LOC400499: variants seen among roughly 807,000 people sequenced by gnomAD.
chr16:11,396,062 C>G, the LOC400499 span, among the ~76,000 whole-genome samples: 5 of 152,214 alleles, frequency 3.3e-5, no homozygotes, highest in Non-Finnish European at 7.3e-5. Context: ...CAAATACTTA[C>G]GTAGTGGCTG....
chr16:11,481,514 G>C, the LOC400499 span, among the ~76,000 whole-genome samples: 1 of 152,080 alleles, frequency 6.6e-6, no homozygotes, highest in Non-Finnish European at 1.5e-5. Context: ...GTAGAGACGG[G>C]GTTTCACCAT....
At chr16:11,422,823 G>T in the LOC400499 span, among the ~76,000 whole-genome samples, 1 of 152,182 alleles carries the variant, frequency 6.6e-6, no homozygotes, top group South Asian at 2.1e-4. Flanking sequence ...CCCCAGCCCT[G>T]AGCGCCACGG....
the LOC400499 span, among the ~76,000 whole-genome samples, chr16:11,451,782 C>A: frequency 6.6e-6 from 1 of 152,124 alleles, no homozygotes; most frequent in African/African-American, 2.4e-5. Context: ...GATTTACTGT[C>A]TGGGGAAACT....
the LOC400499 span, among the ~76,000 whole-genome samples, chr16:11,386,655 C>T: frequency 1.3e-5 from 2 of 152,216 alleles, no homozygotes; most frequent in Non-Finnish European, 2.9e-5. Context: ...CAAATAGAGT[C>T]CCACAGGTTA....
At chr16:11,383,878 A>ACACT in the LOC400499 span, 3 of 1,232,064 alleles carry the variant, frequency 2.4e-6, no homozygotes, top group Non-Finnish European at 2.0e-6. Context: ...GGCCAGGCTC[A>ACACT]CACTCACCAC....
the LOC400499 span, chr16:11,401,985 C>A: frequency 2.5e-6 from 1 of 399,158 alleles, no homozygotes; most frequent in Non-Finnish European, 4.4e-6. Context: ...GCTCAGCCTG[C>A]AGGGTGGAGT....
At chr16:11,460,872 A>G in the LOC400499 span, 9 of 1,409,612 alleles carry the variant, frequency 6.4e-6, no homozygotes, top group South Asian at 4.4e-5. Context: ...CCGTGGTGAC[A>G]GCGTATCTCA....
chr16:11,459,419 A>G, the LOC400499 span, among the ~76,000 whole-genome samples: 2 of 151,614 alleles, frequency 1.3e-5, no homozygotes, highest in Non-Finnish European at 1.5e-5. Flanking sequence ...GATGGTCTCG[A>G]TCTCCTGATC....
the LOC400499 span, chr16:11,460,055 C>G: frequency 7.0e-7 from 1 of 1,420,178 alleles, no homozygotes; most frequent in Non-Finnish European, 9.2e-7. Flanking sequence ...AGAGCTGGAC[C>G]TGGGACACAC....
At chr16:11,518,864 G>T in the LOC400499 span, 2 of 399,024 alleles carry the variant, frequency 5.0e-6, no homozygotes, top group East Asian at 7.1e-5. Flanking sequence ...CAGCCCCATC[G>T]TGAGCAGGTC....
chr16:11,424,658 TCA>T, the LOC400499 span, among the ~76,000 whole-genome samples: 1 of 152,096 alleles, frequency 6.6e-6, no homozygotes, highest in Admixed American at 6.6e-5. Context: ...GACACAAATC[TCA>T]GAGGGAAACA....
At chr16:11,402,992 C>A in the LOC400499 span, among the ~76,000 whole-genome samples, 2 of 152,086 alleles carry the variant, frequency 1.3e-5, no homozygotes, top group African/African-American at 2.4e-5. Context: ...AGGTGACACC[C>A]CATAGCTGAG....
chr16:11,383,596 G>A, the LOC400499 span: 2 of 1,232,022 alleles, frequency 1.6e-6, no homozygotes, highest in Admixed American at 4.2e-5. Context: ...GGCCTGGAAG[G>A]CAGATGCCAG....
chr16:11,374,072 A>C, the LOC400499 span, among the ~76,000 whole-genome samples: 1 of 152,212 alleles, frequency 6.6e-6, no homozygotes, highest in African/African-American at 2.4e-5. Context: ...TGCTAAATTA[A>C]TTACTAAACT....
the LOC400499 span, among the ~76,000 whole-genome samples, chr16:11,510,685 C>T: frequency 1.3e-5 from 2 of 151,618 alleles, no homozygotes; most frequent in African/African-American, 4.9e-5. Context: ...CCCGGCAGTG[C>T]TCAGCACACA....
At chr16:11,473,128 T>C in the LOC400499 span, 1 of 150,682 alleles carries the variant, frequency 6.6e-6, no homozygotes, top group Admixed American at 6.6e-5. Flanking sequence ...AATAAATAAA[T>C]AAATAAATAA....
chr16:11,458,654 C>T, the LOC400499 span, among the ~76,000 whole-genome samples: 1 of 152,076 alleles, frequency 6.6e-6, no homozygotes, highest in East Asian at 1.9e-4. Flanking sequence ...TATAGACTTG[C>T]AGTTTTGCAA....
At chr16:11,482,891 CAAA>C in the LOC400499 span, among the ~76,000 whole-genome samples, 3 of 100,816 alleles carry the variant, frequency 3.0e-5, no homozygotes, top group Admixed American at 1.1e-4. Flanking sequence ...GACCTCAACT[CAAA>C]AAAAAAAAAA....
chr16:11,420,753 G>A, the LOC400499 span, among the ~76,000 whole-genome samples: 4 of 152,124 alleles, frequency 2.6e-5, no homozygotes, highest in African/African-American at 9.7e-5. Context: ...CCGCGGCCCA[G>A]CCGTGACTGC....
Sources: allele counts gnomAD v4.1 joint callset (sites outside exome capture counted in the v4.1 genomes callset), GRCh38; gene constraint gnomAD v4.1.1; transcripts MANE v1.5.